Variants in ARID2 observed in about 807,000 individuals in gnomAD.
ARID2 encodes AT-rich interactive domain-containing protein 2.
ARID2 carries 32 observed loss-of-function variants against 184.6 expected under a neutral mutation model. The ratio of observed to expected loss-of-function variants is 0.17; its 90% CI spans 0.13 to 0.23. The LOEUF is 0.23. Ranked by LOEUF, ARID2 falls within the 10% of genes least tolerant of loss-of-function variation. ARID2 has a pLI of 1.00. For missense variants in ARID2, 1,696 were observed against 2,197.6 expected (o/e 0.77, Z 4.56); for synonymous variants, 836 against 772.6 (o/e 1.08, Z -1.36).
At position 45,752,212 on chromosome 12, in the gene ARID2, G is replaced by A. The variant is rs187096589; in HGVS notation, c.284+20898G>A. 7.9e-5 allele frequency among the ~76,000 whole-genome samples: 12 copies of A among 152,234 alleles called. 1 individual carries two copies. Among genetic ancestry groups the A allele is most frequent in the Admixed American group, 7.8e-4 (12 of 15,290 alleles). ...GCATATGCAGATAAAATTATTGAAC[G>A]CCATGAACAAACATCTTGGCGTATT... On this transcript the variant is annotated intron_variant, in intron 3 of 20. Coordinates refer to ENST00000334344, the MANE Select transcript of ARID2 (RefSeq NM_152641.4).
rs1333835763 is a variant in ARID2, at chr12:45,906,757, A to G, written c.*1679A>G. The G allele has an allele frequency of 8.6e-6, 2 of 232,020 alleles. No individual in the cohort carries two copies. The highest frequency in any genetic ancestry group is 1.7e-5 in the Non-Finnish European group (2 of 117,414). The allele number at this position is 232,020 out of a possible 1,614,324, so 14.4% of individuals were successfully genotyped here. A position where few individuals can be genotyped will look rare whatever the true frequency, so the allele number is the denominator to read the frequency against. Reference sequence around the variant, plus strand: ...AAGTATTTATTTTTCATCTTGTTATAATGCAGAGCAAATGTAGAGAACAGC... The same window carrying G: ...AAGTATTTATTTTTCATCTTGTTATGATGCAGAGCAAATGTAGAGAACAGC... On this transcript the variant is annotated 3_prime_UTR_variant, in exon 21 of 21. Coordinates refer to ENST00000334344, the MANE Select transcript of ARID2 (RefSeq NM_152641.4).
intron 3 of ARID2, among the ~76,000 whole-genome samples, chr12:45,809,902 C>T (rs960003570): frequency 1.3e-5 from 2 of 152,102 alleles, no homozygotes; most frequent in Non-Finnish European, 1.5e-5. Flanking sequence ...ATTCATCCCT[C>T]TTTGAAATTT....
intron 3 of ARID2, among the ~76,000 whole-genome samples, chr12:45,757,787 T>G (rs1182298064): frequency 1.3e-5 from 2 of 152,230 alleles, no homozygotes; most frequent in Non-Finnish European, 2.9e-5. Flanking sequence ...AACACTTCAG[T>G]GCAAATTCTT....
chr12:45,818,289 A>T (rs1054135629), intron 5 of ARID2, among the ~76,000 whole-genome samples: 8 of 152,192 alleles, frequency 5.3e-5, no homozygotes, highest in African/African-American at 1.9e-4. Flanking sequence ...CTTCTAAATC[A>T]TCAACGTAAG....
At chr12:45,775,577 A>G (rs1049126322) in intron 3 of ARID2, among the ~76,000 whole-genome samples, 9 of 152,234 alleles carry the variant, frequency 5.9e-5, no homozygotes, top group African/African-American at 1.9e-4. Context: ...GGAGAATAAC[A>G]TTACAAAGCA....
At chr12:45,734,017 A>C (rs530996831) in intron 3 of ARID2, among the ~76,000 whole-genome samples, 77 of 152,354 alleles carry the variant, frequency 5.1e-4, no homozygotes, top group African/African-American at 1.8e-3. Flanking sequence ...TGTACCCACA[A>C]AAATTAAAAA....
At chr12:45,834,275 A>C (rs1368357680) in intron 6 of ARID2, among the ~76,000 whole-genome samples, 2 of 148,510 alleles carry the variant, frequency 1.3e-5, no homozygotes, top group Non-Finnish European at 3.0e-5. Context: ...TTTTTTTTCT[A>C]CCCCATGACT....
intron 20 of ARID2, chr12:45,893,949 AT>A (rs1443204970): frequency 5.9e-6 from 2 of 339,034 alleles, no homozygotes; most frequent in Non-Finnish European, 5.2e-6. Context: ...TATTAAGTTA[AT>A]TTGTCTTACT....
At chr12:45,807,401 A>G (rs773896075) in intron 3 of ARID2, among the ~76,000 whole-genome samples, 12 of 152,254 alleles carry the variant, frequency 7.9e-5, no homozygotes, top group Non-Finnish European at 1.2e-4. Flanking sequence ...GTTTCAGTTT[A>G]TAAGTATTCT....
chr12:45,889,181 C>T (rs1944248840), intron 16 of ARID2, among the ~76,000 whole-genome samples: 2 of 151,984 alleles, frequency 1.3e-5, no homozygotes, highest in African/African-American at 4.8e-5. Context: ...GACTCTGTCT[C>T]AAATAATAAT....
intron 6 of ARID2, among the ~76,000 whole-genome samples, chr12:45,824,866 C>CAT (rs202172861): frequency 0.029 from 4,167 of 145,816 alleles, 148 homozygotes; most frequent in African/African-American, 0.083. Flanking sequence ...TATATATATA[C>CAT]ATATATATAT....
intron 3 of ARID2, among the ~76,000 whole-genome samples, chr12:45,765,578 T>A (rs1941757128): frequency 6.6e-6 from 1 of 151,942 alleles, no homozygotes; most frequent in Admixed American, 6.6e-5. Flanking sequence ...AAGTCCTTCA[T>A]CAAGTATGTG....
intron 3 of ARID2, among the ~76,000 whole-genome samples, chr12:45,798,987 A>G (rs961038398): frequency 2.0e-5 from 3 of 151,856 alleles, no homozygotes; most frequent in African/African-American, 4.8e-5. Context: ...TCCCTAATAT[A>G]TTAACCTGGG....
intron 3 of ARID2, among the ~76,000 whole-genome samples, chr12:45,748,971 G>A (rs946578982): frequency 2.6e-5 from 4 of 152,102 alleles, no homozygotes; most frequent in South Asian, 2.1e-4. Flanking sequence ...AGTTATCTAC[G>A]AGGATTGGAA....
In ARID2 at chr12:45,837,395, G is replaced by T. The variant is rs2138130646; in HGVS notation, c.1098G>T (p.Arg366Ser). 6.2e-7 allele frequency: 1 copy of T among 1,612,136 alleles called. No homozygotes were observed. Among genetic ancestry groups the T allele is most frequent in the East Asian group, 2.2e-5 (1 of 44,820 alleles). The change falls in exon 9 of 21, where the codon AGG becomes AGT. Residue 366 changes from arginine to serine, a missense_variant. Arg to Ser is a moderately radical substitution (Grantham distance 110). This residue lies in a region of ARID2 where 86 missense variants were observed against 200.8 expected (regional missense o/e 0.43). Transcript: ENST00000334344. The stretch of plus-strand genomic sequence containing the variant: ...CTGTTACAAAATGTCTAATGTCAAG[G>T]GATAGATTTTTAAAGATGAGAGGTG... ...FHTVTKCLMS[R>S]DRFLKMRGME...
rs1943526341 is a variant in ARID2 at position 45,850,477 on chromosome 12, C to T, written c.2354C>T (p.Ser785Leu). Reference sequence around the variant, plus strand: ...ACAGTGGTACCAGGACAGATCCCTTCAGGCACTCCTGTTACAGTAATTCAA... The same window carrying T: ...ACAGTGGTACCAGGACAGATCCCTTTAGGCACTCCTGTTACAGTAATTCAA... Reference protein sequence around the residue: ...LHTVVPGQIPSGTPVTVIQQA... With the variant: ...LHTVVPGQIPLGTPVTVIQQA... The change falls in exon 15 of 21, where the codon TCA becomes TTA. Residue 785 changes from serine (S) to leucine (L), a missense_variant. Transcript: ENST00000334344. The T allele has an allele frequency of 3.1e-6, 5 of 1,614,008 alleles. No homozygotes were observed. The highest frequency in any genetic ancestry group is 1.3e-5 in the African/African-American group (1 of 75,028).
At position 45,852,592 on chromosome 12, in the gene ARID2, G is replaced by A. The variant is rs1391038907; in HGVS notation, c.4469G>A (p.Gly1490Glu). 1 of 1,614,122 alleles carries A rather than the reference G, an allele frequency of 6.2e-7. No homozygotes were observed. Among genetic ancestry groups the A allele is most frequent in the Non-Finnish European group, 8.5e-7 (1 of 1,180,002 alleles). ...GHQIIAVPDSGSKVSHSPALS... is the reference protein window; with the variant it reads ...GHQIIAVPDSESKVSHSPALS... ...CAAATCATAGCAGTTCCCGACTCAG[G>A]ATCAAAAGTATCCCATTCTCCTGCC... The change falls in exon 15 of 21, where the codon GGA becomes GAA. Residue 1490 changes from glycine (G) to glutamate (E), a missense_variant. By Grantham distance (98) the Gly-to-Glu change is moderately conservative. Coordinates refer to ENST00000334344, the MANE Select transcript of ARID2 (RefSeq NM_152641.4).
At chr12:45,835,121 G>C (rs1435637800) in intron 6 of ARID2, among the ~76,000 whole-genome samples, 2 of 151,544 alleles carry the variant, frequency 1.3e-5, no homozygotes, top group African/African-American at 2.4e-5. Context: ...ATTCACTCTT[G>C]GGTTGTATCT....
chr12:45,838,221 A>G (rs976520612), intron 10 of ARID2, among the ~76,000 whole-genome samples: 2 of 152,226 alleles, frequency 1.3e-5, no homozygotes, highest in Admixed American at 6.5e-5. Context: ...TAGTGCTGCA[A>G]TCTTTAAAAA....
Sources: gnomAD v4.1 joint callset for allele counts (sites outside exome capture counted in the v4.1 genomes callset) on GRCh38, gnomAD v4.1.1 for gene constraint, gnomAD v4.1.1 regional missense constraint, MANE v1.5 for transcripts, NCBI Gene and HGNC (gene_info 2026-07-23, HGNC 2026-07-21) for gene names.